Variants in LRRIQ1 observed in about 807,000 individuals in gnomAD.
LRRIQ1 encodes leucine rich repeats and IQ motif containing 1, also known as leucine-rich repeat- and IQ domain-containing protein 1.
Under a neutral mutation model 211.9 loss-of-function variants are expected in LRRIQ1, and 210 were observed. The ratio of observed to expected loss-of-function variants is 0.99; its 90% CI spans 0.89 to 1.11. The LOEUF (loss-of-function observed/expected upper bound fraction) is 1.11. Ranked by LOEUF, LRRIQ1 falls within the 50% of genes most tolerant of loss-of-function variation. The pLI, the probability that LRRIQ1 is intolerant of heterozygous loss-of-function variation, is 0.00. For synonymous variants in LRRIQ1, 699 were observed against 650.1 expected (o/e 1.08, Z -1.14); for missense variants, 2,136 against 1,939.5 (o/e 1.10, Z -1.90).
intron 8 of LRRIQ1, among the ~76,000 whole-genome samples, chr12:85,062,911 G>T (rs993270536): frequency 6.6e-6 from 1 of 151,716 alleles, no homozygotes; most frequent in Admixed American, 6.6e-5. Flanking sequence ...GTGTGAGATG[G>T]TATCTCATTG....
At chr12:85,191,680 A>C (rs1437567262) in intron 24 of LRRIQ1, among the ~76,000 whole-genome samples, 1 of 152,036 alleles carries the variant, frequency 6.6e-6, no homozygotes, top group Non-Finnish European at 1.5e-5. Flanking sequence ...TTTAGGTAAG[A>C]GTGACTGCTG....
At chr12:85,043,497 TA>T (rs1879148560) in intron 3 of LRRIQ1, among the ~76,000 whole-genome samples, 1 of 152,054 alleles carries the variant, frequency 6.6e-6, no homozygotes, top group African/African-American at 2.4e-5. Context: ...TGGAACCTTG[TA>T]GGGCTTCTCA....
At chr12:85,197,152 G>A (rs968295552) in intron 24 of LRRIQ1, among the ~76,000 whole-genome samples, 1 of 152,172 alleles carries the variant, frequency 6.6e-6, no homozygotes, top group Non-Finnish European at 1.5e-5. Context: ...CAGTTTGAAT[G>A]GCAATCATTA....
At chr12:85,205,257 A>G (rs957059437) in intron 24 of LRRIQ1, among the ~76,000 whole-genome samples, 6 of 152,136 alleles carry the variant, frequency 3.9e-5, no homozygotes, top group Non-Finnish European at 7.3e-5. Flanking sequence ...TAAATTTCCC[A>G]TTCGTGGGTA....
chr12:85,185,914 A>G (rs903125123), intron 24 of LRRIQ1, among the ~76,000 whole-genome samples: 2 of 151,988 alleles, frequency 1.3e-5, no homozygotes, highest in African/African-American at 4.8e-5. Context: ...GGTGCATGCT[A>G]TGATATATAA....
At chr12:85,157,532 A>T (rs1890621246) in intron 23 of LRRIQ1, among the ~76,000 whole-genome samples, 1 of 151,932 alleles carries the variant, frequency 6.6e-6, no homozygotes, top group Admixed American at 6.6e-5. Flanking sequence ...AAGCAGTTTC[A>T]GAATTTGGTG....
intron 11 of LRRIQ1, among the ~76,000 whole-genome samples, chr12:85,082,953 G>A (rs1375708105): frequency 3.9e-5 from 6 of 152,112 alleles, no homozygotes; most frequent in Admixed American, 6.6e-5. Context: ...TTCTAGTGGC[G>A]GTTTTCTGAT....
At chr12:85,113,705 C>T (rs530076435) in intron 15 of LRRIQ1, among the ~76,000 whole-genome samples, 39 of 152,178 alleles carry the variant, frequency 2.6e-4, no homozygotes, top group African/African-American at 8.7e-4. Flanking sequence ...AAATTGACAA[C>T]TGGTGTTATT....
chr12:85,192,103 G>A (rs370623182), intron 24 of LRRIQ1, among the ~76,000 whole-genome samples: 31 of 151,606 alleles, frequency 2.0e-4, no homozygotes, highest in East Asian at 7.7e-4. Flanking sequence ...GGTAATAAGT[G>A]TAAGTATTAT....
At chr12:85,256,979 T>A (rs1056358491) in intron 1 of LRRIQ1, among the ~76,000 whole-genome samples, 1 of 133,314 alleles carries the variant, frequency 7.5e-6, no homozygotes, top group African/African-American at 2.8e-5. Flanking sequence ...ATTTGGGAAA[T>A]ATTGGGTGAG....
intron 24 of LRRIQ1, among the ~76,000 whole-genome samples, chr12:85,208,017 C>CT (rs63702061): frequency 1.1e-4 from 16 of 148,562 alleles, no homozygotes; most frequent in Admixed American, 1.4e-4. Flanking sequence ...TCTCATGTTC[C>CT]TTTTTTTTTC....
chr12:85,218,633 T>C (rs931895034), intron 24 of LRRIQ1, among the ~76,000 whole-genome samples: 1 of 152,108 alleles, frequency 6.6e-6, no homozygotes, highest in African/African-American at 2.4e-5. Context: ...TTTTACAGAC[T>C]GAATTAATTT....
intron 19 of LRRIQ1, among the ~76,000 whole-genome samples, chr12:85,138,993 TATG>T (rs140898572): frequency 0.02 from 3,105 of 151,548 alleles, 137 homozygotes; most frequent in East Asian, 0.2. Context: ...TGAACAAGGA[TATG>T]ATGGTGAGAG....
intron 24 of LRRIQ1, among the ~76,000 whole-genome samples, chr12:85,222,322 A>G (rs1894441713): frequency 6.6e-6 from 1 of 152,158 alleles, no homozygotes; most frequent in African/African-American, 2.4e-5. Flanking sequence ...AGAACTCCAG[A>G]GAAGAATCCT....
intron 24 of LRRIQ1, among the ~76,000 whole-genome samples, chr12:85,224,664 C>T (rs1894560843): frequency 7.3e-6 from 1 of 137,470 alleles, no homozygotes; most frequent in Admixed American, 8.6e-5. Context: ...TGTTCTCACT[C>T]ATAATTGGGA....
At chr12:85,093,413 C>A (rs1885583152) in intron 11 of LRRIQ1, among the ~76,000 whole-genome samples, 1 of 152,142 alleles carries the variant, frequency 6.6e-6, no homozygotes, top group African/African-American at 2.4e-5. Flanking sequence ...AAATTGTCAA[C>A]CACATTAAAG....
chr12:85,221,676 A>C (rs183089054), intron 24 of LRRIQ1, among the ~76,000 whole-genome samples: 9 of 152,300 alleles, frequency 5.9e-5, no homozygotes, highest in Admixed American at 2.6e-4. Flanking sequence ...CAGTATGGGC[A>C]AAGGTCTGTG....
chr12:85,244,681 A>C, intron 26 of LRRIQ1, 108 bp from the exon 27 acceptor site: 1 of 932,414 alleles, frequency 1.1e-6, no homozygotes, highest in Non-Finnish European at 1.7e-6. Context: ...CATTTTGAAG[A>C]AGGTTGTTTG....
chr12:85,061,607 ATATAAAT>A (rs1881815280), intron 8 of LRRIQ1, among the ~76,000 whole-genome samples: 1 of 151,780 alleles, frequency 6.6e-6, no homozygotes, highest in African/African-American at 2.4e-5. Context: ...ACACTGAATA[ATATAAAT>A]TATAATGTTG....
Sources: allele counts gnomAD v4.1 joint callset (sites outside exome capture counted in the v4.1 genomes callset), GRCh38; gene constraint gnomAD v4.1.1; transcripts MANE v1.5; gene names NCBI Gene and HGNC (gene_info 2026-07-23, HGNC 2026-07-21).